Variants in PDGFD observed in about 807,000 individuals in gnomAD.
PDGFD encodes the protein platelet derived growth factor D, also known as platelet-derived growth factor D.
A neutral mutation model predicts 44.7 loss-of-function variants in PDGFD; 30 were observed. That is an observed-to-expected ratio of 0.67 (90% CI 0.50 to 0.91). The LOEUF (loss-of-function observed/expected upper bound fraction) is 0.91. Ranked by LOEUF, PDGFD falls within the 40% of genes least tolerant of loss-of-function variation. PDGFD has a pLI of 0.00. For missense variants in PDGFD, 445 were observed against 457.8 expected (o/e 0.97, Z 0.25); for synonymous variants, 173 against 168.4 (o/e 1.03, Z -0.21).
chr11:104,037,441 G>T (rs1369081145), intron 1 of PDGFD: 1 of 1,614,010 alleles, frequency 6.2e-7, no homozygotes, highest in Non-Finnish European at 8.5e-7. Context: ...CGACCCACTG[G>T]ATCGGGAAGC....
chr11:104,163,686 T>C, intron 1 of PDGFD, 118 bp downstream of exon 1: 2 of 1,236,344 alleles, frequency 1.6e-6, no homozygotes, highest in East Asian at 2.6e-5. Context: ...CCCCAAACAA[T>C]GCATTCAGCC....
At chr11:104,037,021 A>G (rs1860251902) in intron 1 of PDGFD, 1 of 1,614,228 alleles carries the variant, frequency 6.2e-7, no homozygotes. Flanking sequence ...CTACGGCCTC[A>G]AAGATGGCGA....
chr11:104,058,606 G>A (rs1281422015), intron 1 of PDGFD, among the ~76,000 whole-genome samples: 1 of 152,170 alleles, frequency 6.6e-6, no homozygotes, highest in Non-Finnish European at 1.5e-5. Context: ...TCCATATAAA[G>A]TTAAACATAC....
At chr11:103,948,185 C>T (rs1426626796) in intron 3 of PDGFD, among the ~76,000 whole-genome samples, 6 of 152,122 alleles carry the variant, frequency 3.9e-5, no homozygotes, top group East Asian at 1.9e-4. Context: ...AACTAGGTTA[C>T]GCATTATGTT....
intron 1 of PDGFD, chr11:104,039,287 C>G (rs1040101342): frequency 8.8e-5 from 14 of 159,672 alleles, no homozygotes; most frequent in African/African-American, 3.4e-4. Flanking sequence ...TTTTTTTTTT[C>G]CTGGGAGGGG....
At chr11:104,149,757 G>A (rs1862215772) in intron 1 of PDGFD, among the ~76,000 whole-genome samples, 1 of 152,108 alleles carries the variant, frequency 6.6e-6, no homozygotes, top group Non-Finnish European at 1.5e-5. Flanking sequence ...GTATATTCCA[G>A]TAGCTCAGGG....
intron 1 of PDGFD, among the ~76,000 whole-genome samples, chr11:104,042,605 T>C (rs1176716716): frequency 1.3e-5 from 2 of 152,252 alleles, no homozygotes; most frequent in African/African-American, 4.8e-5. Flanking sequence ...GATAATTTCC[T>C]CTTATGTTAA....
intron 1 of PDGFD, among the ~76,000 whole-genome samples, chr11:104,044,797 G>C (rs959539852): frequency 6.6e-6 from 1 of 152,150 alleles, no homozygotes; most frequent in Non-Finnish European, 1.5e-5. Flanking sequence ...CCAGCACTTT[G>C]GGAGGCCAAG....
intron 5 of PDGFD, among the ~76,000 whole-genome samples, chr11:103,933,013 T>C (rs779454435): frequency 6.6e-6 from 1 of 152,086 alleles, no homozygotes; most frequent in Non-Finnish European, 1.5e-5. Context: ...CTGTGAAATA[T>C]AGGAGTGGCA....
chr11:104,065,091 C>G (rs1353939644), intron 1 of PDGFD, among the ~76,000 whole-genome samples: 1 of 152,142 alleles, frequency 6.6e-6, no homozygotes, highest in Non-Finnish European at 1.5e-5. Context: ...GGCTTAGCCT[C>G]CAAGCCTACA....
intron 1 of PDGFD, among the ~76,000 whole-genome samples, chr11:104,023,993 TC>T (rs1439048368): frequency 6.6e-6 from 1 of 152,140 alleles, no homozygotes; most frequent in Non-Finnish European, 1.5e-5. Flanking sequence ...GCCAAGCATT[TC>T]CCCAACAGCT....
intron 1 of PDGFD, among the ~76,000 whole-genome samples, chr11:104,033,258 G>A (rs1358501884): frequency 6.6e-6 from 1 of 152,074 alleles, no homozygotes; most frequent in Non-Finnish European, 1.5e-5. Context: ...ACAGGAGGCT[G>A]TGTTTACCTT....
intron 1 of PDGFD, among the ~76,000 whole-genome samples, chr11:104,154,650 A>G: frequency 6.6e-6 from 1 of 152,182 alleles, no homozygotes; most frequent in East Asian, 1.9e-4. Flanking sequence ...GGCTGAGGGA[A>G]TGGAGCCAAC....
chr11:103,950,394 CAAA>C (rs375762671), intron 3 of PDGFD, among the ~76,000 whole-genome samples: 38,504 of 107,484 alleles, frequency 0.36, 5,644 homozygotes, highest in Non-Finnish European at 0.43. Context: ...ACTAATAATA[CAAA>C]AAAAAAAAAA....
At chr11:104,030,513 T>G (rs1860108278) in intron 1 of PDGFD, among the ~76,000 whole-genome samples, 1 of 152,182 alleles carries the variant, frequency 6.6e-6, no homozygotes, top group East Asian at 1.9e-4. Flanking sequence ...AAAGACTACC[T>G]CTTCACTACC....
Position 103,909,458 on chromosome 11 carries a change from A to G in PDGFD, c.*236T>C, listed in dbSNP as rs984061061. The G allele has an allele frequency of 1.0e-5, 5 of 480,236 alleles. No homozygotes were observed. The highest frequency in any genetic ancestry group is 1.9e-5 in the Non-Finnish European group (5 of 264,878). 29.7% of individuals were successfully genotyped at this position (480,236 alleles called of 1,614,324 possible). ...TATTTCTGTGTGTGTTTGTGCATAT[A>G]TAACCTCAAACACTATTATTAAATG... On this transcript the variant is annotated 3_prime_UTR_variant, in exon 7 of 7. Transcript: ENST00000393158.
At chr11:103,949,228 A>C (rs1200160808) in intron 3 of PDGFD, among the ~76,000 whole-genome samples, 1 of 151,948 alleles carries the variant, frequency 6.6e-6, no homozygotes, top group Admixed American at 6.6e-5. Context: ...GTCTTGAACT[A>C]TTGACCTCAG....
chr11:103,910,517 G>A (rs1043670117), intron 6 of PDGFD, among the ~76,000 whole-genome samples: 1 of 152,198 alleles, frequency 6.6e-6, no homozygotes, highest in Admixed American at 6.5e-5. Context: ...CCTTCCCCCA[G>A]CCAAGGGAAG....
At chr11:104,046,104 G>A (rs1006286147) in intron 1 of PDGFD, among the ~76,000 whole-genome samples, 1 of 147,234 alleles carries the variant, frequency 6.8e-6, no homozygotes, top group African/African-American at 2.5e-5. Flanking sequence ...AAAGTAAAAT[G>A]GCAAAGTGAG....
Sources: allele counts gnomAD v4.1 joint callset (sites outside exome capture counted in the v4.1 genomes callset), GRCh38; gene constraint gnomAD v4.1.1; transcripts MANE v1.5; gene names NCBI Gene and HGNC (gene_info 2026-07-23, HGNC 2026-07-21).